RYR3: variants seen among roughly 807,000 people sequenced by gnomAD.
RYR3 encodes the protein ryanodine receptor 3.
Under a neutral mutation model 584.3 loss-of-function variants are expected in RYR3, and 207 were observed. That is an observed-to-expected ratio of 0.35 (90% CI 0.32 to 0.40). The LOEUF is 0.40. RYR3 is among the 10% of genes least tolerant of loss of function. RYR3 has a pLI of 1.00. For synonymous variants in RYR3, 2,416 were observed against 2,248.5 expected, an observed-to-expected ratio of 1.07 and a Z score of -2.11; for missense variants, 5,616 against 6,089.2, an observed-to-expected ratio of 0.92 and a Z score of 2.59.
chr15:33,467,308 G>A (rs2048569195), intron 1 of RYR3, among the ~76,000 whole-genome samples: 1 of 152,198 alleles, frequency 6.6e-6, no homozygotes. Flanking sequence ...TCTAACTATA[G>A]GGCTGTCATC....
At chr15:33,360,919 C>G (rs1263474269) in intron 1 of RYR3, among the ~76,000 whole-genome samples, 3 of 152,220 alleles carry the variant, frequency 2.0e-5, no homozygotes, top group Non-Finnish European at 4.4e-5. Context: ...GGTTGCACAC[C>G]CACTTCCCCA....
chr15:33,478,891 G>A (rs528716209), intron 2 of RYR3, among the ~76,000 whole-genome samples: 47 of 152,318 alleles, frequency 3.1e-4, no homozygotes, highest in Admixed American at 1.3e-3. Context: ...AAGAAACTAA[G>A]ATAGGTGGAG....
intron 2 of RYR3, among the ~76,000 whole-genome samples, chr15:33,480,482 T>G (rs187783684): frequency 6.6e-6 from 1 of 152,322 alleles, no homozygotes; most frequent in Admixed American, 6.5e-5. Flanking sequence ...AAATGTTGAT[T>G]GGCTTAGTTA....
chr15:33,625,247 G>A (rs1045281226), intron 20 of RYR3, among the ~76,000 whole-genome samples: 3 of 152,002 alleles, frequency 2.0e-5, no homozygotes, highest in Non-Finnish European at 4.4e-5. Context: ...AGGGGGGAAG[G>A]CTGCCCCTAT....
In RYR3 at chr15:33,816,977, G is replaced by A; in HGVS notation, c.10599+19G>A. On this transcript the variant is annotated intron_variant, in intron 75 of 103. Transcript: ENST00000634891. ...TTTGGCTGTAAGTACTGACTCCCCT[G>A]GGAGCAGATATGAGTGTGGATGAAT... 6.9e-7 allele frequency: 1 copy of A among 1,452,132 alleles called. No homozygotes were observed. The highest frequency in any genetic ancestry group is 9.6e-7 in the Non-Finnish European group (1 of 1,039,390). The allele number at this position is 1,452,132 out of a possible 1,614,324, so 90.0% of individuals were successfully genotyped here.
chr15:33,825,814 C>T (rs2077351583), intron 82 of RYR3, 138 bp downstream of exon 82: 2 of 576,860 alleles, frequency 3.5e-6, no homozygotes, highest in African/African-American at 1.9e-5. Context: ...CTCACTGCAA[C>T]CTCTGTCTCC....
chr15:33,464,473 T>TATATATATATATATATACAC (rs1415310063), intron 1 of RYR3, among the ~76,000 whole-genome samples: 2 of 78,428 alleles, frequency 2.6e-5, no homozygotes, highest in South Asian at 6.5e-4. Context: ...GATATATATA[T>TATATATATATATATATACAC]ATATATATAT....
chr15:33,357,213 C>T (rs976098756), intron 1 of RYR3, among the ~76,000 whole-genome samples: 12 of 152,180 alleles, frequency 7.9e-5, no homozygotes, highest in African/African-American at 2.7e-4. Context: ...TATGTGGACA[C>T]TGCTGGGTTT....
Position 33,728,931 on chromosome 15 carries a change from G to A in RYR3, c.7108G>A (p.Asp2370Asn), listed in dbSNP as rs754277171. The part of the protein sequence containing the change: ...DHKAPMVLFL[D>N]RVYGIKDQTF... Reference sequence around the variant, plus strand: ...CAAGGCACCTATGGTGCTGTTCTTGGACCGCGTTTATGGCATTAAGGATCA... The same window carrying A: ...CAAGGCACCTATGGTGCTGTTCTTGAACCGCGTTTATGGCATTAAGGATCA... Residue 2370 changes from aspartate to asparagine, a missense_variant, in exon 47 of 104, where the codon GAC becomes AAC. Around this residue, in one of 9 missense-constraint regions of RYR3, gnomAD observed 1,280 missense variants for 1,426.2 expected, o/e 0.90. Coordinates refer to ENST00000634891, the MANE Select transcript of RYR3 (RefSeq NM_001036.6). The A allele has an allele frequency of 3.7e-6, 6 of 1,613,796 alleles. No homozygotes were observed. In the East Asian group the frequency reaches 1.3e-4, roughly 36 times the overall value.
At chr15:33,832,584 G>A (rs1426109697) in intron 86 of RYR3, among the ~76,000 whole-genome samples, 3 of 150,998 alleles carry the variant, frequency 2.0e-5, no homozygotes, top group South Asian at 2.1e-4. Flanking sequence ...TTGAACCTGG[G>A]AGGCAGAGGT....
chr15:33,554,779 A>G (rs2056957574), intron 10 of RYR3, among the ~76,000 whole-genome samples: 1 of 152,174 alleles, frequency 6.6e-6, no homozygotes, highest in South Asian at 2.1e-4. Context: ...CCATTCCCAC[A>G]AGGATTTCAG....
At chr15:33,604,877 C>G (rs970407782) in intron 18 of RYR3, among the ~76,000 whole-genome samples, 1 of 152,172 alleles carries the variant, frequency 6.6e-6, no homozygotes, top group South Asian at 2.1e-4. Flanking sequence ...TGCTCATGCA[C>G]CTTTGCGGCT....
chr15:33,612,132 T>G (rs1489126871), intron 18 of RYR3, among the ~76,000 whole-genome samples: 2 of 152,194 alleles, frequency 1.3e-5, no homozygotes, highest in South Asian at 2.1e-4. Context: ...GGGTAGGTGG[T>G]TATAATTATT....
chr15:33,795,679 C>T (rs1198222454), intron 67 of RYR3, among the ~76,000 whole-genome samples: 3 of 152,036 alleles, frequency 2.0e-5, no homozygotes, highest in Admixed American at 2.0e-4. Context: ...CAGGTATGCA[C>T]CACGACGCCT....
intron 1 of RYR3, among the ~76,000 whole-genome samples, chr15:33,423,161 T>G (rs1364000925): frequency 3.9e-5 from 6 of 152,146 alleles, no homozygotes; most frequent in African/African-American, 1.4e-4. Flanking sequence ...TAACTCTCCA[T>G]CCCTGCCTCC....
intron 1 of RYR3, among the ~76,000 whole-genome samples, chr15:33,465,260 C>A (rs779755390): frequency 3.3e-5 from 5 of 152,116 alleles, no homozygotes; most frequent in African/African-American, 1.2e-4. Flanking sequence ...TATATATACA[C>A]ATATCTGTAT....
In RYR3 at chr15:33,696,264, G is replaced by A. The variant is rs773133967; in HGVS notation, c.5907G>A (p.Gln1969=). 1.7e-5 allele frequency: 28 copies of A among 1,613,792 alleles called. No individual in the cohort carries two copies. Among genetic ancestry groups the A allele is most frequent in the Non-Finnish European group, 2.2e-5 (26 of 1,179,856 alleles). The part of the protein sequence containing the change: ...LISQTMICWA[Q]EDQIQDSELV... Reference sequence around the variant, plus strand: ...CACAGACGATGATCTGCTGGGCCCAGGAGGACCAGATCCAGGATTCAGAGC... The same window carrying A: ...CACAGACGATGATCTGCTGGGCCCAAGAGGACCAGATCCAGGATTCAGAGC... Residue 1969 remains glutamine (Q), a synonymous_variant, in exon 39 of 104, where the codon CAG becomes CAA. Coordinates refer to ENST00000634891, the MANE Select transcript of RYR3 (RefSeq NM_001036.6).
chr15:33,550,836 CT>C (rs1340779276), intron 10 of RYR3, among the ~76,000 whole-genome samples: 6 of 152,106 alleles, frequency 3.9e-5, no homozygotes, highest in African/African-American at 1.4e-4. Context: ...ATAACATTAT[CT>C]TGCAGTTATT....
chr15:33,598,255 A>C (rs2059479744), intron 16 of RYR3, among the ~76,000 whole-genome samples: 2 of 151,140 alleles, frequency 1.3e-5, no homozygotes, highest in South Asian at 4.2e-4. Flanking sequence ...TCAAAAAAAA[A>C]AAAAAAAGAC....
Sources: allele counts gnomAD v4.1 joint callset (sites outside exome capture counted in the v4.1 genomes callset), GRCh38; gene constraint gnomAD v4.1.1; regional missense constraint gnomAD v4.1.1; transcripts MANE v1.5; gene names NCBI Gene and HGNC (gene_info 2026-07-23, HGNC 2026-07-21).